GPC5: variants seen among roughly 807,000 people sequenced by gnomAD.
The protein encoded by GPC5 is glypican-5.
In GPC5, 47 loss-of-function variants were observed where a neutral mutation model predicts 53.9. That is an observed-to-expected ratio of 0.87 (90% CI 0.69 to 1.11). The LOEUF is 1.11. GPC5 is among the 50% of genes most tolerant of loss of function. GPC5 has a pLI of 0.00. For missense variants in GPC5, 748 were observed against 713.1 expected, an observed-to-expected ratio of 1.05 and a Z score of -0.56; for synonymous variants, 286 against 263.3, an observed-to-expected ratio of 1.09 and a Z score of -0.84.
intron 7 of GPC5, among the ~76,000 whole-genome samples, chr13:92,194,202 C>T (rs1427984878): frequency 6.6e-6 from 1 of 152,090 alleles, no homozygotes; most frequent in Non-Finnish European, 1.5e-5. Context: ...TAAAACAAAA[C>T]ACAAGGTGAT....
intron 7 of GPC5, among the ~76,000 whole-genome samples, chr13:92,752,233 C>A (rs1183648909): frequency 6.6e-6 from 1 of 152,082 alleles, no homozygotes; most frequent in Non-Finnish European, 1.5e-5. Flanking sequence ...CTTCTACCAA[C>A]TAGATGTCAT....
At chr13:92,744,154 T>G (rs926447834) in intron 7 of GPC5, among the ~76,000 whole-genome samples, 4 of 152,036 alleles carry the variant, frequency 2.6e-5, no homozygotes, top group African/African-American at 9.7e-5. Flanking sequence ...GTTTCAAAAG[T>G]AAGTTCACTG....
At chr13:92,674,691 T>C (rs1886873519) in intron 7 of GPC5, among the ~76,000 whole-genome samples, 1 of 152,112 alleles carries the variant, frequency 6.6e-6, no homozygotes, top group South Asian at 2.1e-4. Context: ...GATTATTTTA[T>C]CTTCTTCTTT....
intron 7 of GPC5, among the ~76,000 whole-genome samples, chr13:92,170,501 C>A (rs2042062524): frequency 7.2e-6 from 1 of 138,402 alleles, no homozygotes; most frequent in African/African-American, 2.7e-5. Flanking sequence ...TCTTGGCTCA[C>A]TGGAACCTCC....
At chr13:91,664,839 C>G (rs7318562) in intron 2 of GPC5, among the ~76,000 whole-genome samples, 3,948 of 152,304 alleles carry the variant, frequency 0.026, 164 homozygotes, top group African/African-American at 0.091. Flanking sequence ...TTTGCTTATA[C>G]TCCTTTACCT....
intron 2 of GPC5, among the ~76,000 whole-genome samples, chr13:91,599,597 C>A (rs1443417359): frequency 3.3e-5 from 5 of 151,916 alleles, no homozygotes; most frequent in African/African-American, 1.2e-4. Context: ...TAAGTAAAAA[C>A]ATTAAATTCA....
At chr13:92,664,198 G>T (rs1436180246) in intron 7 of GPC5, among the ~76,000 whole-genome samples, 1 of 151,950 alleles carries the variant, frequency 6.6e-6, no homozygotes, top group African/African-American at 2.4e-5. Context: ...TCTGGAGAAT[G>T]AATCATCAGA....
chr13:92,113,022 A>G (rs2041570613), intron 6 of GPC5, among the ~76,000 whole-genome samples: 1 of 152,148 alleles, frequency 6.6e-6, no homozygotes, highest in Non-Finnish European at 1.5e-5. Context: ...TAAATTGATG[A>G]AACATCAACT....
chr13:92,440,417 CT>C (rs1010704539), intron 7 of GPC5, among the ~76,000 whole-genome samples: 7 of 152,122 alleles, frequency 4.6e-5, no homozygotes, highest in African/African-American at 1.7e-4. Context: ...ATCTATGTTG[CT>C]GCAAAGGCGT....
At chr13:91,769,632 T>C (rs1025892689) in intron 5 of GPC5, among the ~76,000 whole-genome samples, 6 of 152,190 alleles carry the variant, frequency 3.9e-5, no homozygotes, top group Non-Finnish European at 8.8e-5. Context: ...CTCAGGGTGA[T>C]GCAGATGATG....
intron 2 of GPC5, among the ~76,000 whole-genome samples, chr13:91,653,239 G>A (rs1015805609): frequency 1.3e-5 from 2 of 152,166 alleles, no homozygotes; most frequent in African/African-American, 4.8e-5. Context: ...TTGTTGGTGT[G>A]TCTTTCCAGG....
At chr13:92,822,375 CTGAGT>C (rs1877704705) in intron 7 of GPC5, among the ~76,000 whole-genome samples, 1 of 152,024 alleles carries the variant, frequency 6.6e-6, no homozygotes, top group South Asian at 2.1e-4. Context: ...CTCTCTCTCT[CTGAGT>C]TAAGGACTAT....
chr13:91,421,745 T>A (rs1215958255), intron 1 of GPC5, among the ~76,000 whole-genome samples: 1 of 152,228 alleles, frequency 6.6e-6, no homozygotes, highest in African/African-American at 2.4e-5. Context: ...ACAGTTTTAC[T>A]AACACCTTTT....
At chr13:91,808,663 A>G (rs550453371) in intron 5 of GPC5, among the ~76,000 whole-genome samples, 37 of 152,310 alleles carry the variant, frequency 2.4e-4, no homozygotes, top group African/African-American at 8.9e-4. Flanking sequence ...CAATGTAATA[A>G]TGATTCTTTG....
At chr13:92,841,863 T>C (rs1186962211) in intron 7 of GPC5, among the ~76,000 whole-genome samples, 1 of 152,184 alleles carries the variant, frequency 6.6e-6, no homozygotes. Context: ...TAGGTTTTAC[T>C]GATTTCATCC....
chr13:91,567,072 T>C (rs1274665215), intron 2 of GPC5, among the ~76,000 whole-genome samples: 1 of 152,118 alleles, frequency 6.6e-6, no homozygotes, highest in Non-Finnish European at 1.5e-5. Flanking sequence ...TCATCATGCT[T>C]TTATTTCAGA....
At chr13:92,559,870 A>G (rs1271192086) in intron 7 of GPC5, among the ~76,000 whole-genome samples, 3 of 151,126 alleles carry the variant, frequency 2.0e-5, no homozygotes, top group African/African-American at 7.3e-5. Context: ...GCCTCCTCAT[A>G]TGACCACAGC....
chr13:91,996,232 G>C (rs1001960987), intron 6 of GPC5: 1 of 152,204 alleles, frequency 6.6e-6, no homozygotes, highest in Non-Finnish European at 1.5e-5. Context: ...TGCTCTCCAC[G>C]TTCTCACTTT....
At position 91,627,643 on chromosome 13, in the gene GPC5, A is replaced by C. The variant is rs540086140; in HGVS notation, c.326-65544A>C. Among the ~76,000 whole-genome samples the C allele has an allele frequency of 9.5e-4, 144 of 152,148 alleles. 1 individual carries two copies. The highest frequency in any genetic ancestry group is 1.8e-3 in the Non-Finnish European group (123 of 67,978). ...TGTCCTTGGCCTGAAAAAATGACAC[A>C]CTGGGGAGATCTCTAATTGGGTTGA... On this transcript the variant is annotated intron_variant, in intron 2 of 7. Transcript: ENST00000377067.
Sources: allele counts gnomAD v4.1 joint callset (sites outside exome capture counted in the v4.1 genomes callset), GRCh38; gene constraint gnomAD v4.1.1; transcripts MANE v1.5; gene names NCBI Gene and HGNC (gene_info 2026-07-23, HGNC 2026-07-21).